The following FMN1 variants were observed in gnomAD, a reference collection of about 807,000 sequenced individuals.
The protein encoded by FMN1 is formin 1.
FMN1 carries 110 observed loss-of-function variants against 132.4 expected under a neutral mutation model. The ratio of observed to expected loss-of-function variants is 0.83; its 90% CI spans 0.71 to 0.97. FMN1 has a LOEUF of 0.97. Ranked by LOEUF, FMN1 falls within the 50% of genes least tolerant of loss-of-function variation. FMN1 has a pLI of 0.00. For synonymous variants in FMN1, 722 were observed against 651.7 expected, an observed-to-expected ratio of 1.11 and a Z score of -1.64; for missense variants, 1,792 against 1,705.3, an observed-to-expected ratio of 1.05 and a Z score of -0.90.
rs1384373894 is a variant in FMN1 at position 32,901,959 on chromosome 15, ACC to A, written c.3457_3458del (p.Gly1153TyrfsTer16). Reference protein sequence around the residue: ...CIIFRSVFSEGITSLHRKVEI... With the variant: ...CIIFRSVFSEXITSLHRKVEI... ...CTACCTTTCTGTGCAAGGAGGTGAT[ACC>A]CTCAGAAAAGACAGATCTGAAGATT... is the stretch of plus-strand genomic sequence containing the variant. On this transcript the variant is annotated frameshift_variant, in exon 13 of 21. Transcript: ENST00000616417. LOFTEE classifies it high-confidence loss of function. 2 of 1,613,420 alleles carry A rather than the reference ACC, an allele frequency of 1.2e-6. No individual in the cohort carries two copies. The highest frequency in any genetic ancestry group is 3.3e-5 in the Admixed American group (2 of 59,988).
chr15:33,170,735 A>T lies in FMN1; in HGVS notation c.-132+9463T>A, dbSNP rs115308113. 4.9e-3 allele frequency among the ~76,000 whole-genome samples: 739 copies of T among 152,328 alleles called. 1 individual carries two copies. Among genetic ancestry groups the T allele is most frequent in the African/African-American group, 0.017 (715 of 41,588 alleles). On this transcript the variant is annotated intron_variant, in intron 3 of 20. Transcript: ENST00000616417. ...ATAATGGCTAATAGCAGACAAAAAA[A>T]TAACAGATGCTACTGAGAATGCAGA...
intron 6 of FMN1, among the ~76,000 whole-genome samples, chr15:33,020,479 C>T (rs7174340): frequency 0.25 from 38,065 of 151,968 alleles, 5,237 homozygotes; most frequent in Non-Finnish European, 0.31. Context: ...GAAACCCCGT[C>T]TCTACTAAAA....
intron 19 of FMN1, among the ~76,000 whole-genome samples, chr15:32,788,637 G>A (rs1300132385): frequency 6.6e-6 from 1 of 152,192 alleles, no homozygotes; most frequent in South Asian, 2.1e-4. Context: ...GGAGCTGTCA[G>A]GAGTCCCACA....
At chr15:33,189,605 T>C (rs1263594371) in intron 2 of FMN1, among the ~76,000 whole-genome samples, 1 of 152,126 alleles carries the variant, frequency 6.6e-6, no homozygotes, top group Non-Finnish European at 1.5e-5. Flanking sequence ...AGAGCACAGA[T>C]AGAAAATAGA....
chr15:32,828,236 T>G (rs1223273554), intron 17 of FMN1, among the ~76,000 whole-genome samples: 1 of 152,192 alleles, frequency 6.6e-6, no homozygotes, highest in East Asian at 1.9e-4. Context: ...ATTGCACCAC[T>G]GCACTCCAGC....
intron 16 of FMN1, among the ~76,000 whole-genome samples, chr15:32,876,069 A>C (rs1399091773): frequency 6.6e-6 from 1 of 152,184 alleles, no homozygotes. Context: ...AAAACCAAAA[A>C]AACAGGAAAT....
intron 6 of FMN1, among the ~76,000 whole-genome samples, chr15:33,059,103 AACTTTATTAGATTCC>A (rs1262806034): frequency 6.6e-6 from 1 of 152,126 alleles, no homozygotes; most frequent in Non-Finnish European, 1.5e-5. Context: ...CCATGAGTTC[AACTTTATTAGATTCC>A]ACATATAAGT....
At chr15:32,830,379 A>G (rs2058470850) in intron 17 of FMN1, among the ~76,000 whole-genome samples, 1 of 152,206 alleles carries the variant, frequency 6.6e-6, no homozygotes, top group East Asian at 1.9e-4. Flanking sequence ...TCCAGATCAC[A>G]TTTTTGGAGT....
At chr15:33,118,934 G>T (rs1039091159) in intron 4 of FMN1, among the ~76,000 whole-genome samples, 40 of 150,042 alleles carry the variant, frequency 2.7e-4, no homozygotes, top group Non-Finnish European at 5.2e-4. Flanking sequence ...AAAAAAATTA[G>T]ACACATAAAT....
intron 9 of FMN1, among the ~76,000 whole-genome samples, chr15:32,936,218 T>C (rs991265449): frequency 9.9e-5 from 15 of 152,244 alleles, no homozygotes; most frequent in Non-Finnish European, 1.9e-4. Flanking sequence ...TCTGTGTCTT[T>C]AGGATTGGTT....
chr15:32,810,889 G>A (rs1162585774), intron 17 of FMN1: 9 of 447,898 alleles, frequency 2.0e-5, no homozygotes, highest in East Asian at 7.0e-5. Flanking sequence ...CCAACAGGAC[G>A]CACAGTTAAG....
At chr15:32,797,338 G>C (rs2057323037) in intron 19 of FMN1, among the ~76,000 whole-genome samples, 1 of 152,164 alleles carries the variant, frequency 6.6e-6, no homozygotes, top group African/African-American at 2.4e-5. Context: ...AAATTCTTAA[G>C]CAAAAGCTGT....
intron 6 of FMN1, among the ~76,000 whole-genome samples, chr15:33,057,856 C>A (rs1377166334): frequency 1.3e-5 from 2 of 152,162 alleles, no homozygotes; most frequent in Non-Finnish European, 2.9e-5. Flanking sequence ...TTGTTATTTA[C>A]AATTTCCCAT....
chr15:33,102,856 A>G (rs148888062), intron 4 of FMN1, among the ~76,000 whole-genome samples: 98 of 152,248 alleles, frequency 6.4e-4, no homozygotes, highest in African/African-American at 2.2e-3. Flanking sequence ...ATGTACTTTT[A>G]GCAAATTTTC....
At chr15:33,145,516 C>G (rs1964181755) in intron 4 of FMN1, among the ~76,000 whole-genome samples, 2 of 151,760 alleles carry the variant, frequency 1.3e-5, no homozygotes, top group South Asian at 4.2e-4. Context: ...GTCCTCTCTC[C>G]CTATCTCCAG....
intron 9 of FMN1, among the ~76,000 whole-genome samples, chr15:32,937,485 A>G (rs899261204): frequency 6.6e-6 from 1 of 152,222 alleles, no homozygotes; most frequent in Non-Finnish European, 1.5e-5. Flanking sequence ...TGGCCCGTGT[A>G]TTATTAAATT....
In FMN1 at chr15:33,098,683, G is replaced by A. The variant is rs529859714; in HGVS notation, c.1868-9709C>T. Among the ~76,000 whole-genome samples the A allele has an allele frequency of 2.6e-5, 4 of 152,302 alleles. No individual in the cohort carries two copies. The South Asian group carries it at 8.3e-4, about 32-fold the overall frequency. On this transcript the variant is annotated intron_variant, in intron 4 of 20. Coordinates refer to ENST00000616417, the MANE Select transcript of FMN1 (RefSeq NM_001277313.2). The stretch of plus-strand genomic sequence containing the variant: ...CGGAGGAGAATTTCTAACATAAAGA[G>A]CAGGTAAAAGAGTAACAGGAGGATG...
At chr15:33,125,522 G>C (rs747215259) in intron 4 of FMN1, among the ~76,000 whole-genome samples, 2 of 151,940 alleles carry the variant, frequency 1.3e-5, no homozygotes, top group Non-Finnish European at 2.9e-5. Flanking sequence ...TCTCAAATTT[G>C]GATATCTAAA....
chr15:32,923,661 T>C (rs556819811), intron 10 of FMN1, among the ~76,000 whole-genome samples: 1 of 152,172 alleles, frequency 6.6e-6, no homozygotes, highest in African/African-American at 2.4e-5. Flanking sequence ...GAGTATAACA[T>C]TGGAAAAGGT....
Sources: allele counts gnomAD v4.1 joint callset (sites outside exome capture counted in the v4.1 genomes callset), GRCh38; gene constraint gnomAD v4.1.1; transcripts MANE v1.5; gene names NCBI Gene and HGNC (gene_info 2026-07-23, HGNC 2026-07-21).